The following LINGO2 variants were observed in gnomAD, a reference collection of about 807,000 sequenced individuals.
LINGO2 encodes leucine rich repeat and Ig domain containing 2.
A neutral mutation model predicts 30.6 loss-of-function variants in LINGO2; 14 were observed. The ratio of observed to expected loss-of-function variants is 0.46; its 90% CI spans 0.30 to 0.72. The LOEUF (loss-of-function observed/expected upper bound fraction) is 0.72, where lower values mean the gene tolerates loss of function less well. LINGO2 is among the 30% of genes least tolerant of loss of function. The pLI, the probability that LINGO2 is intolerant of heterozygous loss-of-function variation, is 0.07. For synonymous variants in LINGO2, 317 were observed against 288.5 expected (o/e 1.10, Z -1.00); for missense variants, 729 against 751.7 (o/e 0.97, Z 0.35).
At chr9:29,041,083 A>G in the LINGO2 span, among the ~76,000 whole-genome samples, 9 of 152,014 alleles carry the variant, frequency 5.9e-5, no homozygotes, top group Non-Finnish European at 1.3e-4. Context: ...TTCACCTAAT[A>G]ATTAGGGAAC....
the LINGO2 span, among the ~76,000 whole-genome samples, chr9:29,143,960 G>A: frequency 6.6e-6 from 1 of 152,162 alleles, no homozygotes; most frequent in East Asian, 1.9e-4. Context: ...GTATAAGGAA[G>A]AGGTCCAGTG....
At chr9:28,690,003 T>A in the LINGO2 span, among the ~76,000 whole-genome samples, 1 of 152,080 alleles carries the variant, frequency 6.6e-6, no homozygotes, top group African/African-American at 2.4e-5. Context: ...TTCTCACTTA[T>A]AAGTGGGAGC....
the LINGO2 span, among the ~76,000 whole-genome samples, chr9:28,906,123 G>A: frequency 6.6e-6 from 1 of 151,982 alleles, no homozygotes; most frequent in Non-Finnish European, 1.5e-5. Context: ...TAGAAGCAGA[G>A]GGTAGAAATG....
intron 2 of LINGO2, among the ~76,000 whole-genome samples, chr9:28,384,816 C>T (rs566475403): frequency 1.3e-4 from 17 of 128,462 alleles, no homozygotes; most frequent in African/African-American, 4.1e-4. Context: ...GTTTCAGAGG[C>T]TTTGTGTGAT....
the LINGO2 span, among the ~76,000 whole-genome samples, chr9:29,147,693 A>G: frequency 6.6e-6 from 1 of 152,092 alleles, no homozygotes; most frequent in Admixed American, 6.5e-5. Flanking sequence ...TAAATTTGAT[A>G]TTTAGAATAT....
At chr9:28,307,661 G>A (rs535980846) in intron 3 of LINGO2, among the ~76,000 whole-genome samples, 10 of 152,280 alleles carry the variant, frequency 6.6e-5, no homozygotes, top group African/African-American at 2.4e-4. Context: ...CAGATGACAT[G>A]ATTGTATATC....
chr9:28,802,049 G>A, the LINGO2 span, among the ~76,000 whole-genome samples: 3 of 151,518 alleles, frequency 2.0e-5, no homozygotes, highest in African/African-American at 7.3e-5. Context: ...TAGCATATTT[G>A]TAAATTTTAA....
the LINGO2 span, among the ~76,000 whole-genome samples, chr9:29,145,119 A>T: frequency 5.9e-5 from 9 of 152,256 alleles, no homozygotes; most frequent in Admixed American, 2.6e-4. Flanking sequence ...AATTTACATG[A>T]AGTAGAATTG....
chr9:28,715,718 C>T, the LINGO2 span, among the ~76,000 whole-genome samples: 1 of 152,052 alleles, frequency 6.6e-6, no homozygotes, highest in Non-Finnish European at 1.5e-5. Context: ...ATTATTAACA[C>T]TTACCTTACA....
chr9:28,933,929 T>C, the LINGO2 span, among the ~76,000 whole-genome samples: 2 of 152,336 alleles, frequency 1.3e-5, no homozygotes, highest in South Asian at 4.1e-4. Flanking sequence ...TGTACTCCCA[T>C]TGCAATGATC....
chr9:28,013,898 G>A (rs1822685535), intron 4 of LINGO2, among the ~76,000 whole-genome samples: 1 of 152,206 alleles, frequency 6.6e-6, no homozygotes, highest in Admixed American at 6.5e-5. Context: ...CTAAAGAATG[G>A]GGCTTTCATT....
chr9:28,551,496 AAATAACAATATTTTAAAATTATGTTCT>A (rs1239919663), intron 1 of LINGO2, among the ~76,000 whole-genome samples: 4 of 152,012 alleles, frequency 2.6e-5, no homozygotes, highest in Non-Finnish European at 5.9e-5. Context: ...CAGTGTTCTA[AAATAACAATATTTTAAAATTATGTTCT>A]GCTTTTATCC....
the LINGO2 span, among the ~76,000 whole-genome samples, chr9:29,210,718 T>A: frequency 6.6e-6 from 1 of 152,214 alleles, no homozygotes; most frequent in Non-Finnish European, 1.5e-5. Flanking sequence ...AATATTAACA[T>A]ATATGTACCT....
chr9:29,085,191 G>A, the LINGO2 span, among the ~76,000 whole-genome samples: 1 of 140,126 alleles, frequency 7.1e-6, no homozygotes, highest in African/African-American at 2.6e-5. Context: ...GTTCACTGAT[G>A]TTCCAAAAAT....
chr9:28,088,188 A>T (rs566131581), intron 4 of LINGO2, among the ~76,000 whole-genome samples: 1 of 124,040 alleles, frequency 8.1e-6, no homozygotes, highest in Non-Finnish European at 1.7e-5. Context: ...AAATAAGATT[A>T]TATATATATA....
chr9:28,667,755 A>T (rs1192756149), intron 1 of LINGO2, among the ~76,000 whole-genome samples: 1 of 152,086 alleles, frequency 6.6e-6, no homozygotes, highest in African/African-American at 2.4e-5. Context: ...ACAAAAACAA[A>T]AACAAAAACA....
At chr9:28,862,268 GACAAGGAATGGT>G in the LINGO2 span, among the ~76,000 whole-genome samples, 3 of 152,046 alleles carry the variant, frequency 2.0e-5, no homozygotes, top group Non-Finnish European at 4.4e-5. Flanking sequence ...ATATGTATCA[GACAAGGAATGGT>G]AATAATAAAT....
the LINGO2 span, among the ~76,000 whole-genome samples, chr9:29,050,791 T>A: frequency 2.0e-5 from 3 of 152,196 alleles, no homozygotes; most frequent in Non-Finnish European, 2.9e-5. Context: ...AGCAACTATA[T>A]AAATAGTTGC....
chr9:28,383,275 T>TGTGTGTGTGTGTGA (rs1554714294), intron 2 of LINGO2, among the ~76,000 whole-genome samples: 2 of 151,836 alleles, frequency 1.3e-5, no homozygotes, highest in Admixed American at 1.3e-4. Context: ...TGTGTGTGTG[T>TGTGTGTGTGTGTGA]GTGTGTGTGT....
Sources: allele counts gnomAD v4.1 joint callset (sites outside exome capture counted in the v4.1 genomes callset), GRCh38; gene constraint gnomAD v4.1.1; transcripts MANE v1.5; gene names NCBI Gene and HGNC (gene_info 2026-07-23, HGNC 2026-07-21).